The following ZNF316 variants were observed in gnomAD, a reference collection of about 807,000 sequenced individuals.
ZNF316 encodes zinc finger protein 316.
In ZNF316, 23 loss-of-function variants were observed where a neutral mutation model predicts 75.6. The observed-to-expected ratio is 0.30, with a 90% CI of 0.22 to 0.43. The LOEUF is 0.43. Among genes scored for constraint, ZNF316 ranks in the 20% least tolerant of loss-of-function variants. The pLI is 1.00. For synonymous variants in ZNF316, 827 were observed against 666.2 expected (o/e 1.24, Z -3.72); for missense variants, 1,266 against 1,409.4 (o/e 0.90, Z 1.63).
chr7:6,644,256 C>G (rs898544109), intron 7 of ZNF316, among the ~76,000 whole-genome samples: 3 of 151,476 alleles, frequency 2.0e-5, no homozygotes, highest in African/African-American at 7.3e-5. Context: ...TTGTGGGCAT[C>G]TTGCAGGTGA....
chr7:6,643,042 A>G lies in ZNF316; in HGVS notation c.434A>G (p.Asp145Gly), dbSNP rs1779338993. The G allele has an allele frequency of 1.1e-5, 14 of 1,239,228 alleles. No individual in the cohort carries two copies. The highest frequency in any genetic ancestry group is 1.4e-5 in the Non-Finnish European group (14 of 992,378). The allele number at this position is 1,239,228 out of a possible 1,614,324, so 76.8% of individuals were successfully genotyped here. The change falls in exon 6 of 9, where the codon GAC becomes GGC. Residue 145 changes from aspartate to glycine, a missense_variant. Asp to Gly is a moderately conservative substitution (Grantham distance 94). This residue lies in a region of ZNF316 where 961 missense variants were observed against 990.9 expected (regional missense o/e 0.97). Transcript: ENST00000382252. ...EEEEEEEEDE[D>G]EDDLLTAGCQ... ...GAGGAAGAGGAGGAGGAGGATGAGG[A>G]CGAGGATGATTTGCTGACGGCTGGG...
rs1779522198 is a variant in ZNF316 at position 6,652,376 on chromosome 7, CGAG to C, written c.787_789del (p.Glu263del). 6 of 1,232,156 alleles carry C rather than the reference CGAG, an allele frequency of 4.9e-6. No homozygotes were observed. In the South Asian group the frequency reaches 1.6e-4, roughly 34 times the overall value. 76.3% of individuals were successfully genotyped at this position (1,232,156 alleles called of 1,614,324 possible). A position where few individuals can be genotyped will look rare whatever the true frequency, so the allele number is the denominator to read the frequency against. ...ACGAGGACTTCCTGGCGGAGGTGGC[CGAG>C]GAGGAGAACGAGCCCCCAGGGCTCT... On this transcript the variant is annotated inframe_deletion, in exon 9 of 9. Transcript: ENST00000382252.
At position 6,646,613 on chromosome 7, in the gene ZNF316, GC is replaced by G. The variant is rs560133138; in HGVS notation, c.706+2026del. ...GTGTTGGGGCTGGCAGGCCTGGGATGCCCCCCGGCCCTGAGTGGGTGTGTAA... is the reference window on the plus strand; with the variant it reads ...GTGTTGGGGCTGGCAGGCCTGGGATGCCCCCGGCCCTGAGTGGGTGTGTAA... On this transcript the variant is annotated intron_variant, in intron 8 of 8. Coordinates refer to ENST00000382252, the MANE Select transcript of ZNF316 (RefSeq NM_001278559.2). Among the ~76,000 whole-genome samples the G allele has an allele frequency of 5.3e-5, 8 of 152,196 alleles. No homozygotes were observed. The South Asian group carries it at 1.0e-3, about 20-fold the overall frequency.
At position 6,637,548 on chromosome 7, in the gene ZNF316, G is replaced by T. The variant is rs1287082628; in HGVS notation, c.-431+101G>T. On this transcript the variant is annotated intron_variant, in intron 1 of 8. Coordinates refer to ENST00000382252, the MANE Select transcript of ZNF316 (RefSeq NM_001278559.2). This position sits in a 1 kb window ranked among gnomAD's most constrained non-coding sequence, Gnocchi z 6.2. ...CGGCGGCGGCGGCGGGGCCGGGCTG[G>T]CCCTCGACGCCCGGCGCGGGGAGGC... 1.4e-5 allele frequency: 2 copies of T among 147,044 alleles called. No individual in the cohort carries two copies. Among genetic ancestry groups the T allele is most frequent in the Non-Finnish European group, 3.0e-5 (2 of 65,848 alleles). The allele number at this position is 147,044 out of a possible 1,614,324, so 9.1% of individuals were successfully genotyped here.
At position 6,639,469 on chromosome 7, in the gene ZNF316, TG is replaced by T. The variant is rs1779276300; in HGVS notation, c.-167+332del. ...AATTACAGGGAACTGTGTCACCCAC[TG>T]GGGCCCAGGGGGCTGCCTCAGAAGA... On this transcript the variant is annotated intron_variant, in intron 3 of 8. Transcript: ENST00000382252. The surrounding 1 kb of genome is among the most constrained non-coding windows in gnomAD (Gnocchi z 4.2). Among the ~76,000 whole-genome samples, 6 of 152,092 alleles carry T rather than the reference TG, an allele frequency of 3.9e-5. No individual in the cohort carries two copies. Among genetic ancestry groups the T allele is most frequent in the Non-Finnish European group, 8.8e-5 (6 of 68,026 alleles).
rs1259803704 is a variant in ZNF316 at position 6,652,838 on chromosome 7, G to A, written c.1242G>A (p.Ser414=). The A allele has an allele frequency of 3.2e-6, 4 of 1,254,750 alleles. 1 individual carries two copies. In the South Asian group the frequency reaches 1.4e-4, roughly 45 times the overall value. 77.7% of individuals were successfully genotyped at this position (1,254,750 alleles called of 1,614,324 possible). A position where few individuals can be genotyped will look rare whatever the true frequency, so the allele number is the denominator to read the frequency against. Residue 414 remains serine, a synonymous_variant, in exon 9 of 9, where the codon TCG becomes TCA. Transcript: ENST00000382252. ...GCGGCAAGCGCTTCGTCTACAAGTC[G>A]CACCTGGTTACGCACCGACGCATCC... ...PDCGKRFVYK[S]HLVTHRRIHT... is the part of the protein sequence containing the mutation.
rs28687772 is a variant in ZNF316 at position 6,640,244 on chromosome 7, T to C, written c.-167+1103T>C. ...GTCCAGGTGTCAGGCTGTTCTCGCA[T>C]TGCTGTAAAGAAATACCTGAGACTG... On this transcript the variant is annotated intron_variant, in intron 3 of 8. Coordinates refer to ENST00000382252, the MANE Select transcript of ZNF316 (RefSeq NM_001278559.2). The surrounding 1 kb of genome is among the most constrained non-coding windows in gnomAD (Gnocchi z 5.1). 0.033 allele frequency among the ~76,000 whole-genome samples: 4,965 copies of C among 152,256 alleles called. 267 individuals carry two copies. The highest frequency in any genetic ancestry group is 0.11 in the African/African-American group (4,698 of 41,500).
chr7:6,649,499 G>C (rs1021535552), intron 8 of ZNF316, among the ~76,000 whole-genome samples: 4 of 152,210 alleles, frequency 2.6e-5, no homozygotes, highest in African/African-American at 9.6e-5. Flanking sequence ...AACGGCTTTG[G>C]ATCTGAGAGC....
chr7:6,654,531 G>C lies in ZNF316; in HGVS notation c.2935G>C (p.Ala979Pro). 1 of 1,179,896 alleles carries C rather than the reference G, an allele frequency of 8.5e-7. No individual in the cohort carries two copies. The highest frequency in any genetic ancestry group is 4.2e-5 in the South Asian group (1 of 23,906). 73.1% of individuals were successfully genotyped at this position (1,179,896 alleles called of 1,614,324 possible). ...GERGSALLEFAGGTSFGSEHQ... is the reference protein window; with the variant it reads ...GERGSALLEFPGGTSFGSEHQ... ...GCGCGGCAGCGCCCTGCTGGAGTTC[G>C]CGGGCGGCACAAGCTTCGGCTCCGA... The change falls in exon 9 of 9, where the codon GCG becomes CCG. Residue 979 changes from alanine to proline, a missense_variant. Physicochemically the swap from Ala to Pro is conservative, Grantham distance 27. Transcript: ENST00000382252.
Position 6,652,799 on chromosome 7 carries a change from C to T in ZNF316, c.1203C>T (p.Phe401=), listed in dbSNP as rs1335219687. 8.6e-6 allele frequency: 11 copies of T among 1,272,402 alleles called. No homozygotes were observed. The highest frequency in any genetic ancestry group is 1.1e-5 in the Non-Finnish European group (11 of 1,008,722). The allele number at this position is 1,272,402 out of a possible 1,614,324, so 78.8% of individuals were successfully genotyped here. A position where few individuals can be genotyped will look rare whatever the true frequency, so the allele number is the denominator to read the frequency against. The change falls in exon 9 of 9, where the codon TTC becomes TTT. Residue 401 remains phenylalanine, a synonymous_variant. Coordinates refer to ENST00000382252, the MANE Select transcript of ZNF316 (RefSeq NM_001278559.2). The stretch of plus-strand genomic sequence containing the variant: ...GCACGCACACCGGCGAGAAGCCCTT[C>T]CCGTGCCCGGACTGCGGCAAGCGCT... ...HQRTHTGEKP[F]PCPDCGKRFV...
At position 6,652,532 on chromosome 7, in the gene ZNF316, A is replaced by G. The variant is rs1779526598; in HGVS notation, c.936A>G (p.Glu312=). The change falls in exon 9 of 9, where the codon GAA becomes GAG. Residue 312 remains glutamate, a synonymous_variant. Coordinates refer to ENST00000382252, the MANE Select transcript of ZNF316 (RefSeq NM_001278559.2). ...TGGGGGTCCTGGCCGACGGCTCTGA[A>G]GCGAAGCCTTTCCTGCCCGGCCGGG... ...GGLGVLADGS[E]AKPFLPGREP... The G allele has an allele frequency of 1.6e-6, 2 of 1,230,990 alleles. No homozygotes were observed. Among genetic ancestry groups the G allele is most frequent in the Non-Finnish European group, 2.0e-6 (2 of 987,516 alleles). The allele number at this position is 1,230,990 out of a possible 1,614,324, so 76.3% of individuals were successfully genotyped here.
At chr7:6,646,790 C>CT (rs974247273) in intron 8 of ZNF316, among the ~76,000 whole-genome samples, 3 of 152,154 alleles carry the variant, frequency 2.0e-5, no homozygotes, top group African/African-American at 7.2e-5. Context: ...CAGAGGCTGC[C>CT]TGTGCCCAGG....
At chr7:6,651,904 G>GT (rs910222266) in intron 8 of ZNF316, among the ~76,000 whole-genome samples, 3 of 152,220 alleles carry the variant, frequency 2.0e-5, no homozygotes, top group Non-Finnish European at 2.9e-5. Flanking sequence ...TCTCCACCTG[G>GT]TTTTCTCAGC....
rs1197304026 is a variant in ZNF316 at position 6,657,689 on chromosome 7, A to C, written c.*3078A>C. 6.6e-6 allele frequency among the ~76,000 whole-genome samples: 1 copy of C among 152,020 alleles called. No individual in the cohort carries two copies. The highest frequency in any genetic ancestry group is 1.5e-5 in the Non-Finnish European group (1 of 68,016). On this transcript the variant is annotated 3_prime_UTR_variant, in exon 9 of 9. Transcript: ENST00000382252. ...GGCAAAACTCTTGTCTCTATAAAAA[A>C]TACAAAAATTAGCTGGGTGTGGTGG...
Position 6,642,311 on chromosome 7 carries a change from C to A in ZNF316, c.-28-71C>A. ...TGCTCCCTGCGCCCCCGCCAGGCTGCGGGAGACCCTGTGAGGGGACCGTGT... is the reference window on the plus strand; with the variant it reads ...TGCTCCCTGCGCCCCCGCCAGGCTGAGGGAGACCCTGTGAGGGGACCGTGT... On this transcript the variant is annotated intron_variant, in intron 4 of 8. Coordinates refer to ENST00000382252, the MANE Select transcript of ZNF316 (RefSeq NM_001278559.2). This position sits in a 1 kb window ranked among gnomAD's most constrained non-coding sequence, Gnocchi z 8.1. 1.3e-6 allele frequency: 1 copy of A among 762,978 alleles called. No homozygotes were observed. The highest frequency in any genetic ancestry group is 1.8e-6 in the Non-Finnish European group (1 of 560,024). The allele number at this position is 762,978 out of a possible 1,614,324, so 47.3% of individuals were successfully genotyped here.
intron 8 of ZNF316, among the ~76,000 whole-genome samples, chr7:6,647,382 T>C (rs893821689): frequency 6.6e-6 from 1 of 152,226 alleles, no homozygotes; most frequent in Non-Finnish European, 1.5e-5. Context: ...CTCATCCCCC[T>C]GACAGTTTGC....
At position 6,652,323 on chromosome 7, in the gene ZNF316, G is replaced by A. The variant is rs1212986521; in HGVS notation, c.727G>A (p.Asp243Asn). The change falls in exon 9 of 9, where the codon GAC becomes AAC. Residue 243 changes from aspartate to asparagine, a missense_variant. This residue lies in a region of ZNF316 where 961 missense variants were observed against 990.9 expected (regional missense o/e 0.97). Transcript: ENST00000382252. ...TTCAGGAGCCTGGTTCTGGACGGAC[G>A]ACATAGAGGACCACGAGGAGGAAGA... ...VYTGAWFWTD[D>N]IEDHEEEDDE... 6 of 1,232,214 alleles carry A rather than the reference G, an allele frequency of 4.9e-6. No individual in the cohort carries two copies. Among genetic ancestry groups the A allele is most frequent in the African/African-American group, 1.6e-5 (1 of 64,444 alleles). The allele number at this position is 1,232,214 out of a possible 1,614,324, so 76.3% of individuals were successfully genotyped here.
rs1779542167 is a variant in ZNF316 at position 6,653,113 on chromosome 7, G to A, written c.1517G>A (p.Gly506Asp). Residue 506 changes from glycine (G) to aspartate (D), a missense_variant, in exon 9 of 9, where the codon GGC (glycine) becomes GAC (aspartate). Coordinates refer to ENST00000382252, the MANE Select transcript of ZNF316 (RefSeq NM_001278559.2). ...GCCGACTTCCAGCGCCACCGACGCG[G>A]CGGGGGCTGCGCGGAGGCGGGTGGT... Reference protein sequence around the residue: ...LRADFQRHRRGGGCAEAGGDG... With the variant: ...LRADFQRHRRDGGCAEAGGDG... 1 of 1,165,518 alleles carries A rather than the reference G, an allele frequency of 8.6e-7. No individual in the cohort carries two copies. Among genetic ancestry groups the A allele is most frequent in the Non-Finnish European group, 1.1e-6 (1 of 946,166 alleles). 72.2% of individuals were successfully genotyped at this position (1,165,518 alleles called of 1,614,324 possible).
rs1015653165 is a variant in ZNF316, at chr7:6,644,919, G to A, written c.706+326G>A. ...ACCCAGGAGCCCAGCACGCCATCGC[G>A]GAGGCCTTTCTGATGGCACAGTGCT... On this transcript the variant is annotated intron_variant, in intron 8 of 8. Transcript: ENST00000382252. Among the ~76,000 whole-genome samples the A allele has an allele frequency of 2.6e-5, 4 of 152,230 alleles. No individual in the cohort carries two copies. The East Asian group carries it at 5.8e-4, about 22-fold the overall frequency.
Sources: gnomAD v4.1 joint callset for allele counts (sites outside exome capture counted in the v4.1 genomes callset) on GRCh38, gnomAD v4.1.1 for gene constraint, gnomAD v4.1.1 regional missense constraint, Gnocchi (gnomAD v3.1) non-coding constraint, MANE v1.5 for transcripts, NCBI Gene and HGNC (gene_info 2026-07-23, HGNC 2026-07-21) for gene names.